The following SH2D3C variants were observed in gnomAD, a reference collection of about 807,000 sequenced individuals.
SH2D3C encodes the protein SH2 domain-containing protein 3C.
A neutral mutation model predicts 75.2 loss-of-function variants in SH2D3C; 25 were observed. The observed-to-expected ratio is 0.33, with a 90% CI of 0.24 to 0.46. The LOEUF (loss-of-function observed/expected upper bound fraction) is 0.46. Ranked by LOEUF, SH2D3C falls within the 20% of genes least tolerant of loss-of-function variation. The pLI is 1.00. For missense variants in SH2D3C, 933 were observed against 1,165.3 expected (o/e 0.80, Z 2.90); for synonymous variants, 450 against 473.7 (o/e 0.95, Z 0.65).
chr9:127,757,630 G>GATTATTATT (rs1491252899), intron 3 of SH2D3C, among the ~76,000 whole-genome samples: 70 of 76,378 alleles, frequency 9.2e-4, no homozygotes, highest in Middle Eastern at 6.8e-3. Flanking sequence ...TGATGATGAT[G>GATTATTATT]ATGATGATGA....
At position 127,761,735 on chromosome 9, in the gene SH2D3C, C is replaced by A. The variant is rs3780653; in HGVS notation, c.516-85G>T. The A allele has an allele frequency of 2.5e-3, 2,915 of 1,173,994 alleles. 53 individuals are homozygous for A. In the East Asian group the frequency reaches 0.046, roughly 18 times the overall value. The allele number at this position is 1,173,994 out of a possible 1,614,324, so 72.7% of individuals were successfully genotyped here. A position where few individuals can be genotyped will look rare whatever the true frequency, so the allele number is the denominator to read the frequency against. ...CTCTTGCCTGCCTGCCTGGGGCCAG[C>A]ACCTGGCCCTTAGGACCCCAGCAGG... On this transcript the variant is annotated intron_variant, in intron 2 of 11. Coordinates refer to ENST00000314830, the MANE Select transcript of SH2D3C (RefSeq NM_170600.3).
At position 127,754,270 on chromosome 9, in the gene SH2D3C, G is replaced by A. The variant is rs1463722562; in HGVS notation, c.556-2970C>T. ...GGGCAGTCCTTCAGGCGGGCTCCGC[G>A]AGCGTGTGTGAGCCTGGGGGAGCGA... On this transcript the variant is annotated intron_variant, in intron 3 of 11. Transcript: ENST00000314830. The surrounding 1 kb of genome is among the most constrained non-coding windows in gnomAD (Gnocchi z 4.4). Among the ~76,000 whole-genome samples the A allele has an allele frequency of 6.6e-6, 1 of 152,144 alleles. No individual in the cohort carries two copies. Among genetic ancestry groups the A allele is most frequent in the Non-Finnish European group, 1.5e-5 (1 of 67,998 alleles).
intron 3 of SH2D3C, among the ~76,000 whole-genome samples, chr9:127,759,217 T>C (rs1194182714): frequency 6.6e-6 from 1 of 152,212 alleles, no homozygotes; most frequent in Non-Finnish European, 1.5e-5. Flanking sequence ...CATCATGCTT[T>C]TTTTTTAATC....
At chr9:127,767,202 C>G in intron 2 of SH2D3C, 1 of 1,528,228 alleles carries the variant, frequency 6.5e-7, no homozygotes, top group Non-Finnish European at 8.7e-7. Context: ...GAAGGCAGAG[C>G]AGGGGCCATT....
Position 127,749,332 on chromosome 9 carries a change from T to G in SH2D3C, c.1018A>C (p.Lys340Gln), listed in dbSNP as rs149146405. 4 of 1,612,946 alleles carry G rather than the reference T, an allele frequency of 2.5e-6. No homozygotes were observed. Among genetic ancestry groups the G allele is most frequent in the Non-Finnish European group, 3.4e-6 (4 of 1,179,506 alleles). Residue 340 changes from lysine (K) to glutamine (Q), a missense_variant, in exon 5 of 12, where the codon AAG becomes CAG. Lys to Gln is a moderately conservative substitution (Grantham distance 53, BLOSUM62 1). Transcript: ENST00000314830. The surrounding 1 kb of genome is among the most constrained non-coding windows in gnomAD (Gnocchi z 5.9). Reference sequence around the variant, plus strand: ...GAGGGGCTGACGGGGCTAGCAGGCTTGCTACTCCCCTGTCCCAGGCCATAG... The same window carrying G: ...GAGGGGCTGACGGGGCTAGCAGGCTGGCTACTCCCCTGTCCCAGGCCATAG... The part of the protein sequence containing the change: ...ASYGLGQGSS[K>Q]PASPVSPSGP...
chr9:127,776,790 G>A (rs1354115379), intron 1 of SH2D3C, among the ~76,000 whole-genome samples: 1 of 152,196 alleles, frequency 6.6e-6, no homozygotes, highest in Admixed American at 6.5e-5. Flanking sequence ...CCAGGGCTCA[G>A]CACAGCTGGG....
intron 1 of SH2D3C, 147 bp downstream of exon 1, chr9:127,778,444 G>A (rs1186323877): frequency 7.1e-6 from 5 of 699,326 alleles, no homozygotes; most frequent in East Asian, 2.7e-5. Flanking sequence ...TGACAGAGAC[G>A]CTGGTGTCCA....
At chr9:127,747,448 G>T (rs146053757) in intron 5 of SH2D3C, among the ~76,000 whole-genome samples, 177 bp from the exon 6 acceptor site, 1 of 152,200 alleles carries the variant, frequency 6.6e-6, no homozygotes, top group Non-Finnish European at 1.5e-5. Flanking sequence ...GAGGGAGGGG[G>T]CACAGCGAGT....
chr9:127,749,519 G>GCT lies in SH2D3C; in HGVS notation c.829_830dup (p.Ser277ArgfsTer44). The GCT allele has an allele frequency of 6.2e-7, 1 of 1,614,118 alleles. No individual in the cohort carries two copies. Among genetic ancestry groups the GCT allele is most frequent in the Non-Finnish European group, 8.5e-7 (1 of 1,179,990 alleles). On this transcript the variant is annotated frameshift_variant, in exon 5 of 12. Transcript: ENST00000314830. LOFTEE classifies it high-confidence loss of function. The surrounding 1 kb of genome is among the most constrained non-coding windows in gnomAD (Gnocchi z 5.9). ...CAAACAGGTACTGGATGTGTGTGTA[G>GCT]CTCTCGCCTGCCTTCACCACCACCT...
intron 8 of SH2D3C, among the ~76,000 whole-genome samples, chr9:127,742,303 C>T (rs1844887061): frequency 6.6e-6 from 1 of 152,196 alleles, no homozygotes; most frequent in African/African-American, 2.4e-5. Flanking sequence ...ATGGCGCGAT[C>T]CCTGCTCACT....
At position 127,738,593 on chromosome 9, in the gene SH2D3C, C is replaced by T. The variant is rs180969298; in HGVS notation, c.*153G>A. ...AGCAGGTGGGATGGAACCCAGAGTC[C>T]ACGCAGGACCCTGGAGGTGCAAGGG... is the stretch of plus-strand genomic sequence containing the variant. On this transcript the variant is annotated 3_prime_UTR_variant, in exon 12 of 12. Transcript: ENST00000314830. This position sits in a 1 kb window ranked among gnomAD's most constrained non-coding sequence, Gnocchi z 5.0. 118 of 716,918 alleles carry T rather than the reference C, an allele frequency of 1.6e-4. No individual in the cohort carries two copies. The East Asian group carries it at 3.4e-3, about 21-fold the overall frequency. 44.4% of individuals were successfully genotyped at this position (716,918 alleles called of 1,614,324 possible).
intron 3 of SH2D3C, among the ~76,000 whole-genome samples, chr9:127,752,927 G>T (rs1845241005): frequency 6.6e-6 from 1 of 152,154 alleles, no homozygotes; most frequent in Non-Finnish European, 1.5e-5. Context: ...TTCTGCTGAG[G>T]TCTGAAGGAC....
rs1013378901 is a variant in SH2D3C, at chr9:127,738,648, C to T, written c.*98G>A. The T allele has an allele frequency of 2.9e-5, 37 of 1,291,180 alleles. 1 individual carries two copies. The Middle Eastern group carries it at 1.2e-3, about 43-fold the overall frequency. The allele number at this position is 1,291,180 out of a possible 1,614,324, so 80.0% of individuals were successfully genotyped here. A position where few individuals can be genotyped will look rare whatever the true frequency, so the allele number is the denominator to read the frequency against. On this transcript the variant is annotated 3_prime_UTR_variant, in exon 12 of 12. Transcript: ENST00000314830. The surrounding 1 kb of genome is among the most constrained non-coding windows in gnomAD (Gnocchi z 5.0). ...GCTTGAGTTGAACCCAGAACATTCT[C>T]GGGTTGATCACAGTGTCCTTGGGGT...
At chr9:127,746,980 T>A (rs1250430243) in intron 6 of SH2D3C, among the ~76,000 whole-genome samples, 167 bp downstream of exon 6, 1 of 152,246 alleles carries the variant, frequency 6.6e-6, no homozygotes, top group African/African-American at 2.4e-5. Context: ...ATACATCTTA[T>A]ATGTTGATAT....
chr9:127,738,709 C>T lies in SH2D3C; in HGVS notation c.*37G>A, dbSNP rs775978823. 10 of 1,529,264 alleles carry T rather than the reference C, an allele frequency of 6.5e-6. No homozygotes were observed. The East Asian group carries it at 7.1e-5, about 11-fold the overall frequency. 94.7% of individuals were successfully genotyped at this position (1,529,264 alleles called of 1,614,324 possible). A position where few individuals can be genotyped will look rare whatever the true frequency, so the allele number is the denominator to read the frequency against. On this transcript the variant is annotated 3_prime_UTR_variant, in exon 12 of 12. Transcript: ENST00000314830. This position sits in a 1 kb window ranked among gnomAD's most constrained non-coding sequence, Gnocchi z 5.0. The stretch of plus-strand genomic sequence containing the variant: ...AAGTTGTGTGCCCCTCTGCCCCTGA[C>T]GCTGTCCGCAGCTGCAGAGGGGAAA...
intron 3 of SH2D3C, among the ~76,000 whole-genome samples, chr9:127,760,940 A>G (rs1178892447): frequency 1.3e-5 from 2 of 152,046 alleles, no homozygotes; most frequent in Non-Finnish European, 2.9e-5. Context: ...CCTGGGTTCA[A>G]GCGATTCTCC....
rs1202136749 is a variant in SH2D3C at position 127,754,886 on chromosome 9, C to T, written c.556-3586G>A. Reference sequence around the variant, plus strand: ...CAGGAGTGGCCGCCGAACCCTCACCCCGCGGAGCGCCTGGGCGCCCAGAGG... The same window carrying T: ...CAGGAGTGGCCGCCGAACCCTCACCTCGCGGAGCGCCTGGGCGCCCAGAGG... On this transcript the variant is annotated intron_variant, in intron 3 of 11. Coordinates refer to ENST00000314830, the MANE Select transcript of SH2D3C (RefSeq NM_170600.3). The surrounding 1 kb of genome is among the most constrained non-coding windows in gnomAD (Gnocchi z 4.4). The T allele has an allele frequency of 2.0e-6, 1 of 507,462 alleles. No homozygotes were observed. The allele number at this position is 507,462 out of a possible 1,614,324, so 31.4% of individuals were successfully genotyped here. A position where few individuals can be genotyped will look rare whatever the true frequency, so the allele number is the denominator to read the frequency against.
chr9:127,773,617 T>A (rs1268264539), intron 2 of SH2D3C, among the ~76,000 whole-genome samples: 1 of 151,902 alleles, frequency 6.6e-6, no homozygotes, highest in African/African-American at 2.4e-5. Context: ...AATGTGTAGG[T>A]TTTTTTCTTT....
intron 3 of SH2D3C, among the ~76,000 whole-genome samples, chr9:127,752,702 T>C (rs777826514): frequency 1.3e-5 from 2 of 152,148 alleles, no homozygotes; most frequent in Non-Finnish European, 2.9e-5. Flanking sequence ...GTCAGAGATA[T>C]CTAGAATCTC....
Sources: gnomAD v4.1 joint callset for allele counts (sites outside exome capture counted in the v4.1 genomes callset) on GRCh38, gnomAD v4.1.1 for gene constraint, Gnocchi (gnomAD v3.1) non-coding constraint, MANE v1.5 for transcripts, NCBI Gene and HGNC (gene_info 2026-07-23, HGNC 2026-07-21) for gene names.